BRINP3: variants seen among roughly 807,000 people sequenced by gnomAD.
BRINP3 encodes the protein BMP/retinoic acid inducible neural specific 3.
A neutral mutation model predicts 71.0 loss-of-function variants in BRINP3; 19 were observed. That is an observed-to-expected ratio of 0.27 (90% CI 0.19 to 0.39). The LOEUF is 0.39. BRINP3 is among the 10% of genes least tolerant of loss of function. BRINP3 has a pLI of 1.00. For missense variants in BRINP3, 959 were observed against 940.8 expected (o/e 1.02, Z -0.25); for synonymous variants, 380 against 337.7 (o/e 1.13, Z -1.37).
At chr1:190,305,144 A>G (rs1426465596) in intron 2 of BRINP3, among the ~76,000 whole-genome samples, 2 of 151,932 alleles carry the variant, frequency 1.3e-5, no homozygotes, top group African/African-American at 4.8e-5. Context: ...TGAAAAGGGA[A>G]CCCTTATATA....
At chr1:190,431,396 C>A (rs965946575) in intron 2 of BRINP3, among the ~76,000 whole-genome samples, 3 of 152,016 alleles carry the variant, frequency 2.0e-5, no homozygotes, top group African/African-American at 7.2e-5. Context: ...ACTCTCTCTG[C>A]TGCCCAGGCC....
intron 6 of BRINP3, among the ~76,000 whole-genome samples, chr1:190,169,870 C>T (rs1314795131): frequency 6.6e-6 from 1 of 152,090 alleles, no homozygotes. Flanking sequence ...CAGCACTTTA[C>T]ATGGATTAGC....
chr1:190,296,065 G>C (rs1293812886), intron 2 of BRINP3, among the ~76,000 whole-genome samples: 1 of 143,582 alleles, frequency 7.0e-6, no homozygotes, highest in Non-Finnish European at 1.5e-5. Context: ...TTGCTTTTGT[G>C]GTTTTTTTTT....
chr1:190,249,784 T>C (rs1198624380), intron 4 of BRINP3, among the ~76,000 whole-genome samples: 2 of 151,850 alleles, frequency 1.3e-5, no homozygotes, highest in South Asian at 2.1e-4. Context: ...CCCAAACTTT[T>C]CTACTGATGC....
chr1:190,199,143 T>C (rs116189992), intron 6 of BRINP3, among the ~76,000 whole-genome samples: 2,312 of 152,208 alleles, frequency 0.015, 73 homozygotes, highest in African/African-American at 0.052. Context: ...CTCATGAGAC[T>C]TATTCATGAT....
Position 190,216,030 on chromosome 1 carries a change from A to T in BRINP3, c.961+10052T>A, listed in dbSNP as rs1371198370. Reference sequence around the variant, plus strand: ...TTTTTATTTATCCAAAAAAAAAAACAACTGGGGATAACTCAGAAAGTTATT... The same window carrying T: ...TTTTTATTTATCCAAAAAAAAAAACTACTGGGGATAACTCAGAAAGTTATT... On this transcript the variant is annotated intron_variant, in intron 6 of 7. Transcript: ENST00000367462. 4.0e-5 allele frequency among the ~76,000 whole-genome samples: 6 copies of T among 151,570 alleles called. No homozygotes were observed. The South Asian group carries it at 1.0e-3, about 26-fold the overall frequency.
At chr1:190,261,963 A>T (rs2102863213) in intron 4 of BRINP3, among the ~76,000 whole-genome samples, 1 of 152,298 alleles carries the variant, frequency 6.6e-6, no homozygotes, top group Middle Eastern at 3.4e-3. Flanking sequence ...CCCCTCACAC[A>T]TCTACTCAGT....
intron 2 of BRINP3, among the ~76,000 whole-genome samples, chr1:190,407,989 C>T (rs1672395998): frequency 6.9e-6 from 1 of 144,262 alleles, no homozygotes; most frequent in Non-Finnish European, 1.5e-5. Context: ...TTCTTTTCTA[C>T]ATTTGATGTA....
At chr1:190,394,246 A>C (rs1671433415) in intron 2 of BRINP3, among the ~76,000 whole-genome samples, 1 of 151,486 alleles carries the variant, frequency 6.6e-6, no homozygotes, top group Admixed American at 6.6e-5. Context: ...CTCTCTTTTC[A>C]CTTATGATTA....
intron 7 of BRINP3, among the ~76,000 whole-genome samples, chr1:190,138,027 T>C (rs964631631): frequency 2.6e-5 from 4 of 152,030 alleles, no homozygotes; most frequent in Non-Finnish European, 5.9e-5. Context: ...TGAGCTCGGC[T>C]CACCGCAACC....
chr1:190,345,317 T>A (rs981743641), intron 2 of BRINP3, among the ~76,000 whole-genome samples: 14 of 151,610 alleles, frequency 9.2e-5, no homozygotes, highest in Non-Finnish European at 7.4e-5. Context: ...TTAAAAAAAA[T>A]TAAATTCCAA....
chr1:190,358,545 C>T (rs1369064506), intron 2 of BRINP3, among the ~76,000 whole-genome samples: 1 of 152,104 alleles, frequency 6.6e-6, no homozygotes, highest in African/African-American at 2.4e-5. Context: ...GAAATAGGAA[C>T]ACTTTTACAC....
intron 2 of BRINP3, among the ~76,000 whole-genome samples, chr1:190,366,593 C>T (rs542708659): frequency 1.9e-3 from 290 of 152,210 alleles, no homozygotes; most frequent in Non-Finnish European, 3.5e-3. Flanking sequence ...CTTCTTCCAC[C>T]ATTAACTCGA....
intron 3 of BRINP3, among the ~76,000 whole-genome samples, chr1:190,277,252 G>A (rs1662664740): frequency 6.6e-6 from 1 of 150,502 alleles, no homozygotes; most frequent in Non-Finnish European, 1.5e-5. Flanking sequence ...GCATAGTGTA[G>A]GAAAGAGGCT....
intron 1 of BRINP3, among the ~76,000 whole-genome samples, chr1:190,457,443 C>CA (rs548408177): frequency 9.4e-6 from 1 of 106,836 alleles, no homozygotes; most frequent in Non-Finnish European, 2.0e-5. Flanking sequence ...GGCTCTGTCT[C>CA]AAAAAAACAC....
intron 6 of BRINP3, among the ~76,000 whole-genome samples, chr1:190,197,533 A>T (rs1333403413): frequency 6.6e-6 from 1 of 152,156 alleles, no homozygotes; most frequent in Non-Finnish European, 1.5e-5. Context: ...GCCATTCCAA[A>T]TCGGGGAAAT....
In BRINP3 at chr1:190,160,810, C is replaced by A; in HGVS notation, c.1042G>T (p.Asp348Tyr). Reference protein sequence around the residue: ...TSTIMHLWTMDSNFQRRYEQL... With the variant: ...TSTIMHLWTMYSNFQRRYEQL... ...TCATAACGGCGCTGAAAATTAGAAT[C>A]CATTGTCCACAAATGCATTATAGTA... is the stretch of plus-strand genomic sequence containing the variant. The change falls in exon 7 of 8, where the codon GAT becomes TAT. Residue 348 changes from aspartate (D) to tyrosine (Y), a missense_variant. Coordinates refer to ENST00000367462, the MANE Select transcript of BRINP3 (RefSeq NM_199051.3). 6.2e-7 allele frequency: 1 copy of A among 1,613,548 alleles called. No homozygotes were observed. Among genetic ancestry groups the A allele is most frequent in the Middle Eastern group, 1.7e-4 (1 of 6,042 alleles).
chr1:190,147,312 T>C (rs952455759), intron 7 of BRINP3, among the ~76,000 whole-genome samples: 38 of 152,116 alleles, frequency 2.5e-4, no homozygotes, highest in Admixed American at 2.5e-3. Flanking sequence ...CAATAAGTAA[T>C]AGAAGACGAT....
chr1:190,107,772 A>G (rs1422648513), intron 7 of BRINP3, among the ~76,000 whole-genome samples: 2 of 152,042 alleles, frequency 1.3e-5, no homozygotes. Context: ...CTAGATCAAA[A>G]TTGACCTCGA....
Sources: allele counts gnomAD v4.1 joint callset (sites outside exome capture counted in the v4.1 genomes callset), GRCh38; gene constraint gnomAD v4.1.1; transcripts MANE v1.5; gene names NCBI Gene and HGNC (gene_info 2026-07-23, HGNC 2026-07-21).